RBMS1: variants seen among roughly 807,000 people sequenced by gnomAD.
RBMS1 encodes the protein RNA binding motif single stranded interacting protein 1.
In RBMS1, 17 loss-of-function variants were observed where a neutral mutation model predicts 62.3. That is an observed-to-expected ratio of 0.27 (90% CI 0.19 to 0.41). The LOEUF (loss-of-function observed/expected upper bound fraction) is 0.41. RBMS1 is among the 10% of genes least tolerant of loss of function. The probability of loss-of-function intolerance (pLI) is 1.00; values close to 1 mark genes in which losing one functional copy is unlikely to be tolerated. For synonymous variants in RBMS1, 172 were observed against 170.0 expected (o/e 1.01, Z -0.09); for missense variants, 334 against 504.5 (o/e 0.66, Z 3.24).
rs140320289 is a variant in RBMS1, at chr2:160,426,513, T to G, written c.76-59122A>C. 6.5e-3 allele frequency among the ~76,000 whole-genome samples: 986 copies of G among 152,342 alleles called. 9 individuals are homozygous for G. Among genetic ancestry groups the G allele is most frequent in the African/African-American group, 0.023 (938 of 41,582 alleles). On this transcript the variant is annotated intron_variant, in intron 1 of 13. Coordinates refer to ENST00000348849, the MANE Select transcript of RBMS1 (RefSeq NM_016836.4). ...ATTTAAAATGTTTTTAATGTTTATA[T>G]TTTAGTGTCTCTGAAAGAAACTATC... is the stretch of plus-strand genomic sequence containing the variant.
intron 1 of RBMS1, among the ~76,000 whole-genome samples, chr2:160,451,164 A>AAAAAAAAT (rs1328192746): frequency 2.7e-4 from 41 of 151,370 alleles, no homozygotes; most frequent in Admixed American, 1.2e-3. Context: ...TTCAGAAAAA[A>AAAAAAAAT]AAAAATAAAT....
chr2:160,340,693 A>G (rs1266914344), intron 2 of RBMS1, among the ~76,000 whole-genome samples: 1 of 152,200 alleles, frequency 6.6e-6, no homozygotes, highest in African/African-American at 2.4e-5. Flanking sequence ...CTAGCAAAAC[A>G]AAGAAAACTT....
chr2:160,376,075 T>C (rs759310651), intron 1 of RBMS1, among the ~76,000 whole-genome samples: 3 of 152,194 alleles, frequency 2.0e-5, no homozygotes, highest in Non-Finnish European at 4.4e-5. Context: ...GTCTGTATCT[T>C]AGTATTTCTT....
At chr2:160,321,869 C>T (rs552433766) in intron 2 of RBMS1, among the ~76,000 whole-genome samples, 13 of 152,330 alleles carry the variant, frequency 8.5e-5, no homozygotes, top group African/African-American at 3.1e-4. Flanking sequence ...TAATAGTTCT[C>T]CCTGCATCCA....
intron 1 of RBMS1, among the ~76,000 whole-genome samples, chr2:160,416,707 A>G (rs1395866837): frequency 2.0e-5 from 3 of 152,282 alleles, no homozygotes; most frequent in African/African-American, 7.2e-5. Flanking sequence ...GGTGGAAAGA[A>G]TTATTAAGGG....
intron 4 of RBMS1, among the ~76,000 whole-genome samples, chr2:160,308,966 G>A (rs1349235964): frequency 6.6e-6 from 1 of 152,198 alleles, no homozygotes; most frequent in African/African-American, 2.4e-5. Flanking sequence ...TAAGTGTTCA[G>A]GGGCCACTCT....
At chr2:160,388,363 G>C (rs1038894257) in intron 1 of RBMS1, among the ~76,000 whole-genome samples, 8 of 152,132 alleles carry the variant, frequency 5.3e-5, no homozygotes, top group African/African-American at 1.9e-4. Flanking sequence ...CGGCGACAGA[G>C]GGACCCAATG....
intron 1 of RBMS1, among the ~76,000 whole-genome samples, chr2:160,402,524 T>G (rs1695492164): frequency 6.6e-6 from 1 of 152,220 alleles, no homozygotes; most frequent in Non-Finnish European, 1.5e-5. Context: ...TATTCACTGT[T>G]TATCTGAAAT....
At chr2:160,297,969 G>C (rs1439739103) in intron 6 of RBMS1, among the ~76,000 whole-genome samples, 1 of 152,148 alleles carries the variant, frequency 6.6e-6, no homozygotes, top group Non-Finnish European at 1.5e-5. Flanking sequence ...ACAATAAAGT[G>C]ACACATAGGT....
intron 2 of RBMS1, among the ~76,000 whole-genome samples, chr2:160,353,582 G>A (rs950498086): frequency 2.0e-5 from 3 of 152,072 alleles, no homozygotes; most frequent in Admixed American, 1.3e-4. Flanking sequence ...GCAAGAAACT[G>A]AAGTACAGAT....
chr2:160,481,565 T>G (rs1685372989), intron 1 of RBMS1, among the ~76,000 whole-genome samples: 1 of 152,042 alleles, frequency 6.6e-6, no homozygotes, highest in African/African-American at 2.4e-5. Context: ...AAGGATTGTA[T>G]CCAAAATATA....
chr2:160,346,267 A>G lies in RBMS1; in HGVS notation c.251+20949T>C, dbSNP rs929049529. The stretch of plus-strand genomic sequence containing the variant: ...ATATGCCAGTCCAGAAGTGATGCTA[A>G]AAGTATTTAACTCCTTGTATGACAC... On this transcript the variant is annotated intron_variant, in intron 2 of 13. Coordinates refer to ENST00000348849, the MANE Select transcript of RBMS1 (RefSeq NM_016836.4). 5.3e-5 allele frequency among the ~76,000 whole-genome samples: 8 copies of G among 152,262 alleles called. No homozygotes were observed. In the South Asian group the frequency reaches 1.0e-3, roughly 20 times the overall value.
At chr2:160,403,810 GT>G (rs1695553308) in intron 1 of RBMS1, among the ~76,000 whole-genome samples, 1 of 152,206 alleles carries the variant, frequency 6.6e-6, no homozygotes, top group South Asian at 2.1e-4. Context: ...CCAAAGTATG[GT>G]TGGTTTGTAA....
intron 1 of RBMS1, among the ~76,000 whole-genome samples, chr2:160,425,257 C>G (rs1682501729): frequency 2.0e-5 from 3 of 152,190 alleles, no homozygotes; most frequent in Non-Finnish European, 4.4e-5. Context: ...ACTACTATTA[C>G]AGTGAATCCT....
intron 1 of RBMS1, among the ~76,000 whole-genome samples, chr2:160,462,760 C>T (rs1057007955): frequency 6.6e-6 from 1 of 152,082 alleles, no homozygotes; most frequent in Admixed American, 6.5e-5. Context: ...CCATGCCCAG[C>T]TAATTTTTGT....
At chr2:160,426,218 GAAGAAAGA>G (rs57929883) in intron 1 of RBMS1, among the ~76,000 whole-genome samples, 1,154 of 48,654 alleles carry the variant, frequency 0.024, 14 homozygotes, top group South Asian at 0.028. Context: ...GAGAGAGACA[GAAGAAAGA>G]AAGAAAGAAA....
At chr2:160,382,893 T>TA (rs1438547879) in intron 1 of RBMS1, among the ~76,000 whole-genome samples, 1 of 152,178 alleles carries the variant, frequency 6.6e-6, no homozygotes, top group Non-Finnish European at 1.5e-5. Flanking sequence ...TTCATCTCTT[T>TA]AAAACATTCA....
chr2:160,319,102 C>A (rs1690397551), intron 2 of RBMS1, among the ~76,000 whole-genome samples: 1 of 152,112 alleles, frequency 6.6e-6, no homozygotes, highest in Non-Finnish European at 1.5e-5. Flanking sequence ...ATGAACCGAA[C>A]CCCACACTCT....
intron 2 of RBMS1, among the ~76,000 whole-genome samples, chr2:160,356,664 A>G (rs1252911352): frequency 6.6e-6 from 1 of 152,148 alleles, no homozygotes; most frequent in African/African-American, 2.4e-5. Flanking sequence ...TGAAGCAGCA[A>G]GAAGGCCCTC....
Sources: gnomAD v4.1 joint callset for allele counts (sites outside exome capture counted in the v4.1 genomes callset) on GRCh38, gnomAD v4.1.1 for gene constraint, MANE v1.5 for transcripts, NCBI Gene and HGNC (gene_info 2026-07-23, HGNC 2026-07-21) for gene names.